The following MFAP3L variants were observed in gnomAD, a reference collection of about 807,000 sequenced individuals.
MFAP3L encodes the protein microfibrillar-associated protein 3-like.
In MFAP3L, 5 loss-of-function variants were observed where a neutral mutation model predicts 20.0. The ratio of observed to expected loss-of-function variants is 0.25; its 90% confidence interval spans 0.13 to 0.53. The LOEUF is 0.53. MFAP3L is among the 20% of genes least tolerant of loss of function. MFAP3L has a pLI of 0.96. For synonymous variants in MFAP3L, 219 were observed against 213.0 expected, an observed-to-expected ratio of 1.03 and a Z score of -0.25; for missense variants, 409 against 527.5, an observed-to-expected ratio of 0.78 and a Z score of 2.20.
rs1279247532 is a variant in MFAP3L, at chr4:169,989,410, G to C, written c.*1968C>G. 1 of 152,174 alleles carries C rather than the reference G, an allele frequency of 6.6e-6. No individual in the cohort carries two copies. The highest frequency in any genetic ancestry group is 1.5e-5 in the Non-Finnish European group (1 of 68,026). 9.4% of individuals were successfully genotyped at this position (152,174 alleles called of 1,614,324 possible). Reference sequence around the variant, plus strand: ...ACCAAGCCCACTGCTCTCAATTACAGAGCCAGATAATGTTTGTTGTAAAGT... The same window carrying C: ...ACCAAGCCCACTGCTCTCAATTACACAGCCAGATAATGTTTGTTGTAAAGT... On this transcript the variant is annotated 3_prime_UTR_variant, in exon 3 of 3. Transcript: ENST00000361618.
intron 1 of MFAP3L, among the ~76,000 whole-genome samples, chr4:170,022,746 G>A (rs1431356949): frequency 1.3e-5 from 2 of 152,190 alleles, no homozygotes; most frequent in Non-Finnish European, 2.9e-5. Flanking sequence ...TGGCCGCTCT[G>A]AGCTTTGAAG....
chr4:169,992,549 G>A lies in MFAP3L; in HGVS notation c.299-240C>T, dbSNP rs1269398009. On this transcript the variant is annotated intron_variant, in intron 2 of 2. Coordinates refer to ENST00000361618, the MANE Select transcript of MFAP3L (RefSeq NM_021647.8). This position sits in a 1 kb window ranked among gnomAD's most constrained non-coding sequence, Gnocchi z 4.3. ...CCGTTTTACAGGATGAGGAAACTGA[G>A]GCACAGTCAGGTTAGACAACACTCC... is the stretch of plus-strand genomic sequence containing the variant. 2.6e-5 allele frequency among the ~76,000 whole-genome samples: 4 copies of A among 152,196 alleles called. No homozygotes were observed. Among genetic ancestry groups the A allele is most frequent in the Non-Finnish European group, 4.4e-5 (3 of 68,036 alleles).
intron 1 of MFAP3L, among the ~76,000 whole-genome samples, chr4:170,014,730 TG>T (rs373097891): frequency 4.7e-4 from 72 of 152,334 alleles, no homozygotes; most frequent in African/African-American, 1.7e-3. Context: ...GCCTTGATAA[TG>T]AAAGAGCCCT....
intron 2 of MFAP3L, chr4:169,993,489 A>T (rs1376088339): frequency 1.3e-5 from 2 of 152,250 alleles, no homozygotes; most frequent in African/African-American, 4.8e-5. Flanking sequence ...TAATTCTAAT[A>T]GAAAGCCTGG....
At chr4:169,993,882 G>A (rs983958304) in intron 2 of MFAP3L, 1 of 152,434 alleles carries the variant, frequency 6.6e-6, no homozygotes, top group African/African-American at 2.4e-5. Flanking sequence ...GAATGTGTAT[G>A]AACAAACCAA....
chr4:170,010,366 CAT>C (rs1739297672), intron 1 of MFAP3L, among the ~76,000 whole-genome samples: 1 of 152,178 alleles, frequency 6.6e-6, no homozygotes, highest in Admixed American at 6.5e-5. Flanking sequence ...TCAGGATCAG[CAT>C]AGAGTCTCTT....
Position 169,997,817 on chromosome 4 carries a change from T to TTTTTTC in MFAP3L, c.299-5509_299-5508insGAAAAA, listed in dbSNP as rs1393258185. 1.3e-5 allele frequency: 13 copies of TTTTTTC among 979,906 alleles called. No individual in the cohort carries two copies. In the African/African-American group the frequency reaches 2.3e-4, roughly 17 times the overall value. The allele number at this position is 979,906 out of a possible 1,614,324, so 60.7% of individuals were successfully genotyped here. On this transcript the variant is annotated intron_variant, in intron 2 of 2. Coordinates refer to ENST00000361618, the MANE Select transcript of MFAP3L (RefSeq NM_021647.8). ...TTCATTAATTCTTTTTTTTTTTTTT[T>TTTTTTC]TAATATTGCTGAGAATGTAGGGTAA...
chr4:169,997,391 C>T (rs375881060), intron 2 of MFAP3L, among the ~76,000 whole-genome samples: 19 of 151,898 alleles, frequency 1.3e-4, no homozygotes, highest in African/African-American at 3.4e-4. Flanking sequence ...AAGCAAATGA[C>T]GGGCCAGGAG....
At chr4:170,004,888 T>G (rs1462795295) in intron 2 of MFAP3L, 1 of 152,318 alleles carries the variant, frequency 6.6e-6, no homozygotes, top group Non-Finnish European at 1.5e-5. Context: ...GATTGGGTTT[T>G]CAGACAATTA....
At chr4:170,025,707 A>G (rs1053546299) in intron 1 of MFAP3L, among the ~76,000 whole-genome samples, 9 of 152,102 alleles carry the variant, frequency 5.9e-5, no homozygotes, top group Admixed American at 3.3e-4. Context: ...GAGCTTCAGT[A>G]GCGAGGCGGC....
chr4:170,026,525 G>C (rs1431675390), upstream of MFAP3L: 1 of 152,620 alleles, frequency 6.6e-6, no homozygotes. Flanking sequence ...CGCGGGCGGG[G>C]GCAGCGGGGC....
chr4:169,997,935 TC>T (rs1429833901), intron 2 of MFAP3L, among the ~76,000 whole-genome samples: 3 of 152,054 alleles, frequency 2.0e-5, no homozygotes, highest in Non-Finnish European at 2.9e-5. Context: ...TAGCCTATGA[TC>T]CACTCTTAGA....
At position 169,992,484 on chromosome 4, in the gene MFAP3L, T is replaced by A. The variant is rs888972227; in HGVS notation, c.299-175A>T. ...CAGTGACATGCATCAGCTCATTTAA[T>A]CCTCACAATAACTCTGCAAGGTGGC... On this transcript the variant is annotated intron_variant, in intron 2 of 2. Coordinates refer to ENST00000361618, the MANE Select transcript of MFAP3L (RefSeq NM_021647.8). This position sits in a 1 kb window ranked among gnomAD's most constrained non-coding sequence, Gnocchi z 4.3. Among the ~76,000 whole-genome samples, 23 of 152,178 alleles carry A rather than the reference T, an allele frequency of 1.5e-4. No homozygotes were observed. Among genetic ancestry groups the A allele is most frequent in the African/African-American group, 5.6e-4 (23 of 41,436 alleles).
chr4:169,986,723 A>G lies in MFAP3L; in HGVS notation c.*4655T>C, dbSNP rs1408515007. 1.3e-5 allele frequency: 2 copies of G among 152,214 alleles called. No individual in the cohort carries two copies. Among genetic ancestry groups the G allele is most frequent in the Non-Finnish European group, 2.9e-5 (2 of 68,014 alleles). The allele number at this position is 152,214 out of a possible 1,614,324, so 9.4% of individuals were successfully genotyped here. ...TAACTTGTTTACAACTTTATTTTTA[A>G]AAGTGAACATTTTACAGTTCACAGA... is the stretch of plus-strand genomic sequence containing the variant. On this transcript the variant is annotated 3_prime_UTR_variant, in exon 3 of 3. Coordinates refer to ENST00000361618, the MANE Select transcript of MFAP3L (RefSeq NM_021647.8).
chr4:170,009,351 C>T (rs931272670), intron 1 of MFAP3L, among the ~76,000 whole-genome samples: 1 of 149,712 alleles, frequency 6.7e-6, no homozygotes, highest in Non-Finnish European at 1.5e-5. Flanking sequence ...TCACTGCACT[C>T]CAGCCTGGGC....
chr4:169,988,994 T>C lies in MFAP3L; in HGVS notation c.*2384A>G, dbSNP rs1431193826. ...CCATGTGGAAACCTACACATGGGTT[T>C]GGGTGGAATGACAACTGAATAGGAT... On this transcript the variant is annotated 3_prime_UTR_variant, in exon 3 of 3. Transcript: ENST00000361618. 6.6e-6 allele frequency: 1 copy of C among 152,142 alleles called. No homozygotes were observed. The highest frequency in any genetic ancestry group is 2.1e-4 in the South Asian group (1 of 4,816). 9.4% of individuals were successfully genotyped at this position (152,142 alleles called of 1,614,324 possible). A position where few individuals can be genotyped will look rare whatever the true frequency, so the allele number is the denominator to read the frequency against.
chr4:170,003,824 C>A, intron 2 of MFAP3L: 1 of 985,484 alleles, frequency 1.0e-6, no homozygotes, highest in Non-Finnish European at 1.2e-6. Flanking sequence ...ATGGCTATTG[C>A]CCTCCATTCA....
At position 169,996,971 on chromosome 4, in the gene MFAP3L, C is replaced by T. The variant is rs371526402; in HGVS notation, c.299-4662G>A. Among the ~76,000 whole-genome samples, 21 of 152,212 alleles carry T rather than the reference C, an allele frequency of 1.4e-4. No homozygotes were observed. The South Asian group carries it at 4.4e-3, about 32-fold the overall frequency. ...CCATCCTCAAGTCTTGCTCCATTTC[C>T]CAATAAAGCCTTGTGTGAACTCTGA... On this transcript the variant is annotated intron_variant, in intron 2 of 2. Coordinates refer to ENST00000361618, the MANE Select transcript of MFAP3L (RefSeq NM_021647.8).
chr4:169,999,401 T>A (rs1189896489), intron 2 of MFAP3L, among the ~76,000 whole-genome samples: 1 of 152,220 alleles, frequency 6.6e-6, no homozygotes, highest in Non-Finnish European at 1.5e-5. Context: ...TGTCTTTTTA[T>A]TTCCTGGAAA....
Sources: gnomAD v4.1 joint callset for allele counts (sites outside exome capture counted in the v4.1 genomes callset) on GRCh38, gnomAD v4.1.1 for gene constraint, Gnocchi (gnomAD v3.1) non-coding constraint, MANE v1.5 for transcripts, NCBI Gene and HGNC (gene_info 2026-07-23, HGNC 2026-07-21) for gene names.